Variants in SAMD8 observed in about 807,000 individuals in gnomAD.
SAMD8 encodes sterile alpha motif domain containing 8.
SAMD8 carries 20 observed loss-of-function variants against 42.0 expected under a neutral mutation model. The ratio of observed to expected loss-of-function variants is 0.48; its 90% confidence interval spans 0.34 to 0.69. The LOEUF (loss-of-function observed/expected upper bound fraction) is 0.69, where lower values mean the gene tolerates loss of function less well. SAMD8 is among the 30% of genes least tolerant of loss of function. The pLI, the probability that SAMD8 is intolerant of heterozygous loss-of-function variation, is 0.01. For synonymous variants in SAMD8, 162 were observed against 173.0 expected (o/e 0.94, Z 0.50); for missense variants, 328 against 511.6 (o/e 0.64, Z 3.46).
intron 1 of SAMD8, among the ~76,000 whole-genome samples, chr10:75,118,543 C>G (rs1268098077): frequency 1.3e-5 from 2 of 152,092 alleles, no homozygotes; most frequent in Non-Finnish European, 2.9e-5. Flanking sequence ...ACTTGGGAGG[C>G]AGAGGCAGGA....
In SAMD8 at chr10:75,177,875, T is replaced by C. The variant is rs1455500720; in HGVS notation, c.*1183T>C. On this transcript the variant is annotated 3_prime_UTR_variant, in exon 6 of 6. Transcript: ENST00000542569. ...AGTACTTTAAGTAATTTCACATCTATGATAACATTTGTTACTTTATTTTTA... is the reference window on the plus strand; with the variant it reads ...AGTACTTTAAGTAATTTCACATCTACGATAACATTTGTTACTTTATTTTTA... 2.0e-5 allele frequency: 3 copies of C among 152,256 alleles called. No individual in the cohort carries two copies. Among genetic ancestry groups the C allele is most frequent in the Non-Finnish European group, 4.4e-5 (3 of 68,044 alleles). 9.4% of individuals were successfully genotyped at this position (152,256 alleles called of 1,614,324 possible).
chr10:75,141,082 G>A (rs1488013883), intron 1 of SAMD8, among the ~76,000 whole-genome samples: 5 of 152,232 alleles, frequency 3.3e-5, no homozygotes, highest in South Asian at 4.2e-4. Context: ...GATAGCTCAC[G>A]CCTGTAATCC....
chr10:75,131,616 T>C (rs1849275363), intron 1 of SAMD8, among the ~76,000 whole-genome samples: 1 of 152,156 alleles, frequency 6.6e-6, no homozygotes, highest in African/African-American at 2.4e-5. Context: ...ATTTATATAT[T>C]TCTGATAATT....
intron 1 of SAMD8, among the ~76,000 whole-genome samples, chr10:75,104,405 T>C (rs1848368357): frequency 6.6e-6 from 1 of 152,150 alleles, no homozygotes; most frequent in Non-Finnish European, 1.5e-5. Flanking sequence ...CACAGTTTGG[T>C]GGATGACACC....
chr10:75,127,990 C>T (rs766926983), intron 1 of SAMD8, among the ~76,000 whole-genome samples: 6 of 152,014 alleles, frequency 3.9e-5, no homozygotes, highest in Admixed American at 1.3e-4. Flanking sequence ...GACTATTTAA[C>T]GTTCCCTGTA....
chr10:75,105,950 C>G (rs1277863145), intron 1 of SAMD8: 2 of 1,325,170 alleles, frequency 1.5e-6, no homozygotes, highest in African/African-American at 2.9e-5. Context: ...AGTTCCTTTC[C>G]TGACCCTGCC....
At chr10:75,161,611 C>CTT (rs1387025772) in intron 2 of SAMD8, among the ~76,000 whole-genome samples, 1 of 150,944 alleles carries the variant, frequency 6.6e-6, no homozygotes, top group Non-Finnish European at 1.5e-5. Context: ...TAAAAAAAAA[C>CTT]TTTCGTGTTT....
intron 2 of SAMD8, among the ~76,000 whole-genome samples, chr10:75,151,447 G>A (rs948449078): frequency 2.1e-4 from 31 of 145,214 alleles, no homozygotes; most frequent in African/African-American, 6.6e-4. Context: ...TCAACCTCCC[G>A]GGCTCAAGCA....
intron 4 of SAMD8, chr10:75,175,845 A>T (rs1267473911): frequency 1.0e-6 from 1 of 983,586 alleles, no homozygotes. Context: ...CACTGTGCCC[A>T]GTCTGATTTC....
chr10:75,164,306 C>T (rs1840625118), intron 2 of SAMD8, among the ~76,000 whole-genome samples: 1 of 152,130 alleles, frequency 6.6e-6, no homozygotes, highest in Non-Finnish European at 1.5e-5. Context: ...AAGAAATGGG[C>T]CTTTCTCCCA....
intron 1 of SAMD8, among the ~76,000 whole-genome samples, chr10:75,149,248 C>T (rs561761366): frequency 6.6e-6 from 1 of 152,012 alleles, no homozygotes; most frequent in Non-Finnish European, 1.5e-5. Context: ...CCTGAGAAGG[C>T]CCAAGTAACT....
chr10:75,106,679 T>C (rs1848534327), upstream of SAMD8, among the ~76,000 whole-genome samples: 1 of 152,220 alleles, frequency 6.6e-6, no homozygotes, highest in Non-Finnish European at 1.5e-5. Context: ...TATTCGCAAT[T>C]TGGCTGTCTT....
chr10:75,153,274 G>A (rs947385398), intron 2 of SAMD8, among the ~76,000 whole-genome samples: 2 of 151,870 alleles, frequency 1.3e-5, no homozygotes, highest in Non-Finnish European at 2.9e-5. Context: ...GAGCCACTGC[G>A]CTTGGCCCCT....
At chr10:75,124,634 C>A in intron 1 of SAMD8, among the ~76,000 whole-genome samples, 1 of 148,134 alleles carries the variant, frequency 6.8e-6, no homozygotes. Flanking sequence ...AAAAAAGGTA[C>A]CTGTCAGAAA....
intron 1 of SAMD8, among the ~76,000 whole-genome samples, chr10:75,144,746 C>T (rs1589955541): frequency 6.6e-6 from 1 of 152,144 alleles, no homozygotes; most frequent in East Asian, 1.9e-4. Flanking sequence ...CAGCCTTGAA[C>T]TCCTGGGCTT....
At chr10:75,099,860 T>G (rs1273958910) in intron 1 of SAMD8, 1 of 157,968 alleles carries the variant, frequency 6.3e-6, no homozygotes, top group Non-Finnish European at 1.4e-5. Context: ...CTAGGGATGC[T>G]GGACTTAATT....
chr10:75,159,434 A>G (rs1840507256), intron 2 of SAMD8, among the ~76,000 whole-genome samples: 1 of 152,168 alleles, frequency 6.6e-6, no homozygotes, highest in South Asian at 2.1e-4. Flanking sequence ...TATGCCACTC[A>G]CTAAAACTCC....
At chr10:75,158,319 C>T (rs1245080563) in intron 2 of SAMD8, among the ~76,000 whole-genome samples, 1 of 151,782 alleles carries the variant, frequency 6.6e-6, no homozygotes. Context: ...AGGCTGAGTG[C>T]GGTGGCTCAT....
At position 75,179,655 on chromosome 10, in the gene SAMD8, T is replaced by G. The variant is rs1841047782; in HGVS notation, c.*2963T>G. ...GGAAAACATTGAGACAAATTTATTTTCAGTTTTACTTAAACATGAAACCTG... is the reference window on the plus strand; with the variant it reads ...GGAAAACATTGAGACAAATTTATTTGCAGTTTTACTTAAACATGAAACCTG... On this transcript the variant is annotated 3_prime_UTR_variant, in exon 6 of 6. Transcript: ENST00000542569. 2.6e-5 allele frequency: 4 copies of G among 152,274 alleles called. No homozygotes were observed. In the South Asian group the frequency reaches 8.3e-4, roughly 31 times the overall value. 9.4% of individuals were successfully genotyped at this position (152,274 alleles called of 1,614,324 possible).
Sources: gnomAD v4.1 joint callset for allele counts (sites outside exome capture counted in the v4.1 genomes callset) on GRCh38, gnomAD v4.1.1 for gene constraint, MANE v1.5 for transcripts, NCBI Gene and HGNC (gene_info 2026-07-23, HGNC 2026-07-21) for gene names.